The following ABCC9 variants were observed in gnomAD, a reference collection of about 807,000 sequenced individuals.
ABCC9 encodes the protein ATP-binding cassette sub-family C member 9.
ABCC9 carries 95 observed loss-of-function variants against 188.3 expected under a neutral mutation model. That is an observed-to-expected ratio of 0.50 (90% CI 0.43 to 0.60). The LOEUF is 0.60. ABCC9 is among the 20% of genes least tolerant of loss of function. The probability of loss-of-function intolerance (pLI) is 0.00; values close to 1 mark genes in which losing one functional copy is unlikely to be tolerated. For missense variants in ABCC9, 1,102 were observed against 1,876.3 expected (o/e 0.59, Z 7.62); for synonymous variants, 659 against 652.7 (o/e 1.01, Z -0.15).
intron 18 of ABCC9, among the ~76,000 whole-genome samples, chr12:21,865,657 T>C (rs1239459490): frequency 1.3e-5 from 2 of 152,152 alleles, no homozygotes; most frequent in African/African-American, 4.8e-5. Context: ...AAATGCCCAT[T>C]AGACATGTGT....
chr12:21,906,666 C>T (rs1948064021), intron 11 of ABCC9, among the ~76,000 whole-genome samples: 1 of 152,064 alleles, frequency 6.6e-6, no homozygotes, highest in East Asian at 1.9e-4. Context: ...ATTTCTTCTG[C>T]AGTCAGCTCT....
At position 21,815,911 on chromosome 12, in the gene ABCC9, G is replaced by C; in HGVS notation, c.3893-18C>G. The C allele has an allele frequency of 5.6e-6, 9 of 1,608,492 alleles. No homozygotes were observed. The highest frequency in any genetic ancestry group is 7.7e-6 in the Non-Finnish European group (9 of 1,176,048). ...AGAAGGATCTGGAGGATGGGATGGG[G>C]AAATAGACAGATAATAGGCAGATAG... On this transcript the variant is annotated intron_variant, in intron 33 of 39. Transcript: ENST00000261200.
chr12:21,901,822 C>A (rs1311261129), intron 12 of ABCC9, among the ~76,000 whole-genome samples: 1 of 152,150 alleles, frequency 6.6e-6, no homozygotes, highest in African/African-American at 2.4e-5. Context: ...TAGAGACCTA[C>A]AAAGAGACTT....
Position 21,865,050 on chromosome 12 carries a change from G to A in ABCC9, c.2199-573C>T, listed in dbSNP as rs186357441. ...TTGATATGATTTATGTAAAAAGTGGGCTTTGGTCACAATTTGTTATGCCTG... is the reference window on the plus strand; with the variant it reads ...TTGATATGATTTATGTAAAAAGTGGACTTTGGTCACAATTTGTTATGCCTG... On this transcript the variant is annotated intron_variant, in intron 18 of 39. Coordinates refer to ENST00000261200, the MANE Select transcript of ABCC9 (RefSeq NM_020297.4). Among the ~76,000 whole-genome samples, 8 of 152,146 alleles carry A rather than the reference G, an allele frequency of 5.3e-5. No homozygotes were observed. The East Asian group carries it at 1.5e-3, about 29-fold the overall frequency.
At chr12:21,870,146 A>G (rs1183375989) in intron 18 of ABCC9, among the ~76,000 whole-genome samples, 1 of 152,182 alleles carries the variant, frequency 6.6e-6, no homozygotes, top group African/African-American at 2.4e-5. Flanking sequence ...TTTATTTGTA[A>G]TAATTGGCAC....
chr12:21,866,602 T>C (rs1194053017), intron 18 of ABCC9, among the ~76,000 whole-genome samples: 1 of 152,194 alleles, frequency 6.6e-6, no homozygotes, highest in Admixed American at 6.5e-5. Context: ...TTAGAACTAA[T>C]ACAATGATTT....
chr12:21,841,610 G>C (rs1944401159), intron 29 of ABCC9, among the ~76,000 whole-genome samples: 1 of 151,924 alleles, frequency 6.6e-6, no homozygotes, highest in Non-Finnish European at 1.5e-5. Flanking sequence ...GCCCGCCTCA[G>C]ACCCCCAAAG....
At chr12:21,827,088 A>G (rs1412311727) in intron 31 of ABCC9, 1 of 982,062 alleles carries the variant, frequency 1.0e-6, no homozygotes, top group Non-Finnish European at 1.2e-6. Flanking sequence ...ATATTTAGAC[A>G]GGTTCAACTG....
chr12:21,936,701 G>A lies in ABCC9; in HGVS notation c.-20-7C>T, dbSNP rs1287107364. 1.3e-6 allele frequency: 2 copies of A among 1,591,672 alleles called. No individual in the cohort carries two copies. Among genetic ancestry groups the A allele is most frequent in the East Asian group, 2.2e-5 (1 of 44,724 alleles). ...TCTTCTTATATGGTTTACTCTAAAA[G>A]GGAGAGAAATGAGAAAGAAAAATCC... On this transcript the variant is annotated splice_polypyrimidine_tract_variant and splice_region_variant and intron_variant, in intron 2 of 39. Transcript: ENST00000261200.
intron 32 of ABCC9, 139 bp downstream of exon 32, chr12:21,818,011 A>ACCCCCCCC: frequency 4.9e-6 from 2 of 408,404 alleles, no homozygotes; most frequent in Admixed American, 2.8e-5. Context: ...CCCTCCCCTC[A>ACCCCCCCC]CCCCCACCCC....
At chr12:21,922,756 T>C (rs1948878910) in intron 5 of ABCC9, among the ~76,000 whole-genome samples, 1 of 148,784 alleles carries the variant, frequency 6.7e-6, no homozygotes, top group Non-Finnish European at 1.5e-5. Flanking sequence ...TTTTTCTTTT[T>C]TTTTTTTTTT....
chr12:21,863,002 C>T lies in ABCC9; in HGVS notation c.2290G>A (p.Ala764Thr), dbSNP rs750474414. 1 of 1,612,282 alleles carries T rather than the reference C, an allele frequency of 6.2e-7. No individual in the cohort carries two copies. Among genetic ancestry groups the T allele is most frequent in the South Asian group, 1.1e-5 (1 of 91,014 alleles). ...YAAQKPWLLN[A>T]TVEENITFGS... ...AAAGTAATATTTTCTTCTACTGTAG[C>T]ATTTAATAGCCAAGGCTTTTGAGCT... Residue 764 changes from alanine (A) to threonine (T), a missense_variant, in exon 20 of 40, where the codon GCT (alanine) becomes ACT (threonine). Ala to Thr is a moderately conservative substitution (Grantham distance 58, BLOSUM62 0). This residue lies in a region of ABCC9 where 258 missense variants were observed against 325.6 expected (regional missense o/e 0.79). Transcript: ENST00000261200.
chr12:21,839,322 C>T (rs1944260908), intron 29 of ABCC9, among the ~76,000 whole-genome samples: 1 of 152,116 alleles, frequency 6.6e-6, no homozygotes, highest in African/African-American at 2.4e-5. Context: ...GTTTAACAGA[C>T]TTGAAAAGTG....
In ABCC9 at chr12:21,845,015, A is replaced by G. The variant is rs1468382507; in HGVS notation, c.3097-100T>C. 5.7e-6 allele frequency: 8 copies of G among 1,411,490 alleles called. No individual in the cohort carries two copies. In the Admixed American group the frequency reaches 5.7e-5, roughly 10 times the overall value. The allele number at this position is 1,411,490 out of a possible 1,614,324, so 87.4% of individuals were successfully genotyped here. On this transcript the variant is annotated intron_variant, in intron 26 of 39. Transcript: ENST00000261200. The stretch of plus-strand genomic sequence containing the variant: ...AATGTCAGACAAGATTGTTTTCTTC[A>G]TTATTTTGCATGCATTTAGACGGTT...
chr12:21,807,493 A>G lies in ABCC9; in HGVS notation c.4316-14T>C, dbSNP rs886049168. 6.2e-7 allele frequency: 1 copy of G among 1,613,578 alleles called. No homozygotes were observed. Among genetic ancestry groups the G allele is most frequent in the African/African-American group, 1.3e-5 (1 of 74,904 alleles). On this transcript the variant is annotated splice_polypyrimidine_tract_variant and intron_variant, in intron 37 of 39. Coordinates refer to ENST00000261200, the MANE Select transcript of ABCC9 (RefSeq NM_020297.4). ...TGACAACCGCATCTAAATCAGAGAA[A>G]GAAGCAAGGATTTCACTAAAGAAAT...
chr12:21,818,046 T>C (rs1942771352), intron 32 of ABCC9, 104 bp downstream of exon 32: 3 of 900,714 alleles, frequency 3.3e-6, no homozygotes. Context: ...TATGTGTAAT[T>C]CCCCTCTCTG....
chr12:21,865,715 G>T (rs947262105), intron 18 of ABCC9, among the ~76,000 whole-genome samples: 11 of 152,206 alleles, frequency 7.2e-5, no homozygotes, highest in African/African-American at 2.6e-4. Context: ...CAGAGATATG[G>T]ATTAAGAATT....
chr12:21,822,629 C>A (rs1007017951), intron 31 of ABCC9, among the ~76,000 whole-genome samples: 3 of 125,200 alleles, frequency 2.4e-5, no homozygotes, highest in African/African-American at 9.7e-5. Context: ...GAAACCCCAT[C>A]TCTACACAAA....
intron 39 of ABCC9, chr12:21,805,426 CAA>C (rs1941770889): frequency 1.0e-6 from 1 of 1,004,542 alleles, no homozygotes; most frequent in South Asian, 1.4e-5. Context: ...AATCCACTTG[CAA>C]AGAGGAAAAG....
Sources: gnomAD v4.1 joint callset for allele counts (sites outside exome capture counted in the v4.1 genomes callset) on GRCh38, gnomAD v4.1.1 for gene constraint, gnomAD v4.1.1 regional missense constraint, MANE v1.5 for transcripts, NCBI Gene and HGNC (gene_info 2026-07-23, HGNC 2026-07-21) for gene names.